The following ARF3 variants were observed in gnomAD, a reference collection of about 807,000 sequenced individuals.
ARF3 encodes the protein ARF GTPase 3, also known as ADP-ribosylation factor 3.
ARF3 carries 5 observed loss-of-function variants against 19.3 expected under a neutral mutation model. The observed-to-expected ratio is 0.26, with a 90% confidence interval of 0.14 to 0.54. The LOEUF is 0.54. ARF3 is among the 20% of genes least tolerant of loss of function. The pLI, the probability that ARF3 is intolerant of heterozygous loss-of-function variation, is 0.95. For missense variants in ARF3, 77 were observed against 234.2 expected (o/e 0.33, Z 4.38); for synonymous variants, 71 against 89.2 (o/e 0.80, Z 1.15).
In ARF3 at chr12:48,937,322, G is replaced by A. The variant is rs1294023806; in HGVS notation, c.*1625C>T. 6.6e-6 allele frequency: 1 copy of A among 152,306 alleles called. No homozygotes were observed. The highest frequency in any genetic ancestry group is 2.4e-5 in the African/African-American group (1 of 41,446). The allele number at this position is 152,306 out of a possible 1,614,324, so 9.4% of individuals were successfully genotyped here. On this transcript the variant is annotated 3_prime_UTR_variant, in exon 5 of 5. Coordinates refer to ENST00000256682, the MANE Select transcript of ARF3 (RefSeq NM_001659.3). ...TGGGCCCTGACCTTAGCAGGTTATGGGCAGCTGTCTCGGAGCTCAGGGCGC... is the reference window on the plus strand; with the variant it reads ...TGGGCCCTGACCTTAGCAGGTTATGAGCAGCTGTCTCGGAGCTCAGGGCGC...
intron 1 of ARF3, among the ~76,000 whole-genome samples, chr12:48,951,506 C>T (rs919685074): frequency 2.0e-5 from 3 of 151,724 alleles, no homozygotes; most frequent in Non-Finnish European, 2.9e-5. Flanking sequence ...AAGGTTGCAG[C>T]GAGCTGAGAT....
At chr12:48,955,887 A>G (rs1940556448) in intron 1 of ARF3, 1 of 152,230 alleles carries the variant, frequency 6.6e-6, no homozygotes, top group Admixed American at 6.5e-5. Flanking sequence ...TCCAAGGTCA[A>G]TCATTCATTC....
intron 2 of ARF3, 22 bp from the exon 3 acceptor site, chr12:48,940,129 T>C: frequency 1.9e-6 from 3 of 1,597,540 alleles, no homozygotes; most frequent in Non-Finnish European, 2.6e-6. Flanking sequence ...AAACAGGCAA[T>C]GGCCACTTGG....
rs1004368475 is a variant in ARF3, at chr12:48,936,997, C to G, written c.*1950G>C. On this transcript the variant is annotated 3_prime_UTR_variant, in exon 5 of 5. Transcript: ENST00000256682. ...ATGAAATAGAACCTCCAACACCCCC[C>G]CCACAACCACCACACACAAACACAC... The G allele has an allele frequency of 1.3e-5, 2 of 152,102 alleles. No homozygotes were observed. The highest frequency in any genetic ancestry group is 1.9e-4 in the East Asian group (1 of 5,180). 9.4% of individuals were successfully genotyped at this position (152,102 alleles called of 1,614,324 possible).
At chr12:48,941,429 C>G (rs944130994) in intron 1 of ARF3, 1 of 193,708 alleles carries the variant, frequency 5.2e-6, no homozygotes, top group South Asian at 1.4e-4. Context: ...AGTTACTTCA[C>G]TTTTCCATAT....
At chr12:48,947,333 A>C (rs1306204152) in intron 1 of ARF3, among the ~76,000 whole-genome samples, 1 of 143,928 alleles carries the variant, frequency 6.9e-6, no homozygotes, top group African/African-American at 2.6e-5. Context: ...TTTTGAGACA[A>C]TCTCGCTCTC....
chr12:48,955,526 A>T (rs1940548346), intron 1 of ARF3, among the ~76,000 whole-genome samples: 1 of 152,170 alleles, frequency 6.6e-6, no homozygotes. Context: ...GAAGGCAGAG[A>T]CACAAAAACT....
intron 1 of ARF3, chr12:48,955,777 T>C (rs566681929): frequency 1.3e-5 from 2 of 152,196 alleles, no homozygotes; most frequent in Non-Finnish European, 2.9e-5. Context: ...AAAAGCAAGA[T>C]AGACAACTAT....
chr12:48,947,857 C>T (rs569423055), intron 1 of ARF3, among the ~76,000 whole-genome samples: 14 of 152,072 alleles, frequency 9.2e-5, no homozygotes, highest in South Asian at 2.1e-4. Flanking sequence ...TAAAGGAAGA[C>T]GAGGAAGTAA....
intron 1 of ARF3, among the ~76,000 whole-genome samples, chr12:48,943,498 A>G (rs1463389709): frequency 6.6e-6 from 1 of 152,182 alleles, no homozygotes; most frequent in East Asian, 1.9e-4. Context: ...AGGTCAAGAC[A>G]AAGTGCGCCC....
intron 1 of ARF3, among the ~76,000 whole-genome samples, chr12:48,943,563 A>G (rs1420420793): frequency 6.6e-6 from 1 of 152,204 alleles, no homozygotes. Context: ...AAGCTAACGC[A>G]TGGGGGTTTG....
At chr12:48,956,647 T>C (rs833824) in intron 1 of ARF3, 125,935 of 152,188 alleles carry the variant, frequency 0.83, 53,639 homozygotes, top group East Asian at 1. Flanking sequence ...CCACCTCTCT[T>C]CTCCCAGGAA....
intron 1 of ARF3, among the ~76,000 whole-genome samples, chr12:48,954,248 T>C (rs1216745158): frequency 6.6e-6 from 1 of 152,224 alleles, no homozygotes; most frequent in East Asian, 1.9e-4. Flanking sequence ...GAGCTGTCTC[T>C]GCGATGCTGA....
Position 48,937,209 on chromosome 12 carries a change from A to C in ARF3, c.*1738T>G, listed in dbSNP as rs916223401. On this transcript the variant is annotated 3_prime_UTR_variant, in exon 5 of 5. Coordinates refer to ENST00000256682, the MANE Select transcript of ARF3 (RefSeq NM_001659.3). ...TAATATTGATCCATCTGCTATCAAC[A>C]AAAGTGGCCAGGAAACCTGGCCCCA... is the stretch of plus-strand genomic sequence containing the variant. 6.6e-6 allele frequency: 1 copy of C among 152,290 alleles called. No homozygotes were observed. The highest frequency in any genetic ancestry group is 2.4e-5 in the African/African-American group (1 of 41,466). 9.4% of individuals were successfully genotyped at this position (152,290 alleles called of 1,614,324 possible).
chr12:48,944,464 C>T (rs555078556), intron 1 of ARF3, among the ~76,000 whole-genome samples: 1 of 152,340 alleles, frequency 6.6e-6, no homozygotes, highest in South Asian at 2.1e-4. Flanking sequence ...CACTTACTAC[C>T]TTGTCGAGTT....
At position 48,939,993 on chromosome 12, in the gene ARF3, A is replaced by G; in HGVS notation, c.259+4T>C. 3 of 1,613,510 alleles carry G rather than the reference A, an allele frequency of 1.9e-6. No homozygotes were observed. The highest frequency in any genetic ancestry group is 2.2e-5 in the South Asian group (2 of 91,078). ...CAACCAACCCACGCTAGGCCTGAGC[A>G]TACCTTGGGTGTTCTGGAAGTAGTG... On this transcript the variant is annotated splice_donor_region_variant and intron_variant, in intron 3 of 4. Coordinates refer to ENST00000256682, the MANE Select transcript of ARF3 (RefSeq NM_001659.3). The surrounding 1 kb of genome is among the most constrained non-coding windows in gnomAD (Gnocchi z 4.8).
intron 1 of ARF3, among the ~76,000 whole-genome samples, chr12:48,945,505 G>A (rs559085010): frequency 4.4e-4 from 67 of 151,852 alleles, no homozygotes; most frequent in Non-Finnish European, 6.8e-4. Flanking sequence ...AGGTTGCAGC[G>A]AGTCGATATC....
chr12:48,939,543 T>A lies in ARF3; in HGVS notation c.384+112A>T. ...AAGCCAAGTGCTCAGTTTCCCACGCTTCTAACATTGAGAGCATACTAAAAG... is the reference window on the plus strand; with the variant it reads ...AAGCCAAGTGCTCAGTTTCCCACGCATCTAACATTGAGAGCATACTAAAAG... On this transcript the variant is annotated intron_variant, in intron 4 of 4. Transcript: ENST00000256682. The surrounding 1 kb of genome is among the most constrained non-coding windows in gnomAD (Gnocchi z 4.8). 1.4e-6 allele frequency: 2 copies of A among 1,467,818 alleles called. No homozygotes were observed. Among genetic ancestry groups the A allele is most frequent in the Admixed American group, 3.7e-5 (2 of 53,778 alleles). 90.9% of individuals were successfully genotyped at this position (1,467,818 alleles called of 1,614,324 possible).
chr12:48,939,572 T>A lies in ARF3; in HGVS notation c.384+83A>T. On this transcript the variant is annotated intron_variant, in intron 4 of 4. Coordinates refer to ENST00000256682, the MANE Select transcript of ARF3 (RefSeq NM_001659.3). This position sits in a 1 kb window ranked among gnomAD's most constrained non-coding sequence, Gnocchi z 4.8. ...AACATTGAGAGCATACTAAAAGGGT[T>A]AACCATATAATAGGCCCAAGAGCCA... 1 of 1,586,376 alleles carries A rather than the reference T, an allele frequency of 6.3e-7. No individual in the cohort carries two copies. The highest frequency in any genetic ancestry group is 8.6e-7 in the Non-Finnish European group (1 of 1,160,026).
Sources: allele counts gnomAD v4.1 joint callset (sites outside exome capture counted in the v4.1 genomes callset), GRCh38; gene constraint gnomAD v4.1.1; non-coding constraint Gnocchi (gnomAD v3.1); transcripts MANE v1.5; gene names NCBI Gene and HGNC (gene_info 2026-07-23, HGNC 2026-07-21).